Variants in MTA1 observed in about 807,000 individuals in gnomAD.
MTA1 encodes metastasis-associated protein MTA1.
MTA1 carries 15 observed loss-of-function variants against 97.0 expected under a neutral mutation model. The ratio of observed to expected loss-of-function variants is 0.15; its 90% CI spans 0.10 to 0.24. The LOEUF (loss-of-function observed/expected upper bound fraction) is 0.24, where lower values mean the gene tolerates loss of function less well. MTA1 is among the 10% of genes least tolerant of loss of function. The probability of loss-of-function intolerance (pLI) is 1.00; values close to 1 mark genes in which losing one functional copy is unlikely to be tolerated. For synonymous variants in MTA1, 435 were observed against 417.5 expected, an observed-to-expected ratio of 1.04 and a Z score of -0.51; for missense variants, 709 against 1,015.1, an observed-to-expected ratio of 0.70 and a Z score of 4.10.
intron 18 of MTA1, chr14:105,468,370 T>C: frequency 7.7e-7 from 1 of 1,303,904 alleles, no homozygotes; most frequent in Non-Finnish European, 1.0e-6. Flanking sequence ...TTTGTGCTAC[T>C]GGCCAGCCCT....
rs73362043 is a variant in MTA1 at position 105,467,216 on chromosome 14, C to T, written c.1813+474C>T. The stretch of plus-strand genomic sequence containing the variant: ...GAGGACTGGCTCAGGTGCTCTGTGC[C>T]GGTTGCTTGGAGCAGGGGCTGCGGG... On this transcript the variant is annotated intron_variant, in intron 18 of 20. Transcript: ENST00000331320. 3.5e-3 allele frequency: 1,251 copies of T among 359,892 alleles called. 14 individuals are homozygous for T. Among genetic ancestry groups the T allele is most frequent in the African/African-American group, 0.024 (1,132 of 46,802 alleles). The allele number at this position is 359,892 out of a possible 1,614,324, so 22.3% of individuals were successfully genotyped here. A position where few individuals can be genotyped will look rare whatever the true frequency, so the allele number is the denominator to read the frequency against.
Position 105,470,540 on chromosome 14 carries a change from C to T in MTA1, c.*325C>T. ...TTTTGTTGTGTTCTGTTGAAGGTGCCATTTTAAATTTTATTTTTATTACTT... is the reference window on the plus strand; with the variant it reads ...TTTTGTTGTGTTCTGTTGAAGGTGCTATTTTAAATTTTATTTTTATTACTT... On this transcript the variant is annotated 3_prime_UTR_variant, in exon 21 of 21. Transcript: ENST00000331320. 1 of 289,272 alleles carries T rather than the reference C, an allele frequency of 3.5e-6. No individual in the cohort carries two copies. Among genetic ancestry groups the T allele is most frequent in the South Asian group, 1.2e-4 (1 of 8,100 alleles). 17.9% of individuals were successfully genotyped at this position (289,272 alleles called of 1,614,324 possible).
intron 2 of MTA1, among the ~76,000 whole-genome samples, chr14:105,439,793 G>A (rs587639488): frequency 8.5e-5 from 13 of 152,240 alleles, no homozygotes; most frequent in Middle Eastern, 3.4e-3. Flanking sequence ...CTGCCCACTC[G>A]GCAGGCCTGG....
At chr14:105,455,090 G>A in intron 7 of MTA1, among the ~76,000 whole-genome samples, 1 of 151,978 alleles carries the variant, frequency 6.6e-6, no homozygotes, top group East Asian at 1.9e-4. Context: ...ATTTTTATTA[G>A]AGACAGGGTT....
Position 105,422,254 on chromosome 14 carries a change from AGGACC to A in MTA1, c.28+2192_28+2196del, listed in dbSNP as rs2081864870. On this transcript the variant is annotated intron_variant, in intron 1 of 20. Coordinates refer to ENST00000331320, the MANE Select transcript of MTA1 (RefSeq NM_004689.4). The surrounding 1 kb of genome is among the most constrained non-coding windows in gnomAD (Gnocchi z 4.3). ...CTGGACCGGAACCCTGGGTTCCGGCAGGACCCCGGCAGAGCCCTGTGGTCGCAGTG... is the reference window on the plus strand; with the variant it reads ...CTGGACCGGAACCCTGGGTTCCGGCACCGGCAGAGCCCTGTGGTCGCAGTG... 6.6e-6 allele frequency among the ~76,000 whole-genome samples: 1 copy of A among 152,054 alleles called. No individual in the cohort carries two copies. Among genetic ancestry groups the A allele is most frequent in the South Asian group, 2.1e-4 (1 of 4,816 alleles).
rs587709734 is a variant in MTA1 at position 105,469,592 on chromosome 14, C to T, written c.1845+94C>T. The T allele has an allele frequency of 4.2e-4, 612 of 1,452,204 alleles. 2 individuals are homozygous for T. The South Asian group carries it at 6.5e-3, about 16-fold the overall frequency. The allele number at this position is 1,452,204 out of a possible 1,614,324, so 90.0% of individuals were successfully genotyped here. A position where few individuals can be genotyped will look rare whatever the true frequency, so the allele number is the denominator to read the frequency against. ...GCCTGGCCAGCCCTGCCAGGTGCCACGTGGAAGCTTCCAGGAGGCCTGGCA... is the reference window on the plus strand; with the variant it reads ...GCCTGGCCAGCCCTGCCAGGTGCCATGTGGAAGCTTCCAGGAGGCCTGGCA... On this transcript the variant is annotated intron_variant, in intron 19 of 20. Coordinates refer to ENST00000331320, the MANE Select transcript of MTA1 (RefSeq NM_004689.4).
At chr14:105,467,026 C>T (rs957458477) in intron 18 of MTA1, 54 of 543,612 alleles carry the variant, frequency 9.9e-5, no homozygotes, top group South Asian at 9.2e-4. Context: ...TGTCTGCCAT[C>T]GCGCTGTGAC....
chr14:105,469,179 C>G (rs1189579757), intron 18 of MTA1: 1 of 624,412 alleles, frequency 1.6e-6, no homozygotes, highest in Non-Finnish European at 3.0e-6. Flanking sequence ...GTGGACAGCC[C>G]CGGCCCCTGT....
rs782060709 is a variant in MTA1 at position 105,470,164 on chromosome 14, GCCA to G, written c.2100_2102del (p.Pro703del). The G allele has an allele frequency of 1.8e-3, 2,944 of 1,609,642 alleles. 5 individuals carry two copies. Among genetic ancestry groups the G allele is most frequent in the Non-Finnish European group, 2.3e-3 (2,667 of 1,178,486 alleles). On this transcript the variant is annotated inframe_deletion, in exon 21 of 21. Transcript: ENST00000331320. ...GCCAGAGCCAGGCCCTGCCGCCGCG[GCCA>G]CCGCCACCTGCGCCCGTCAACGACG...
rs1278240483 is a variant in MTA1, at chr14:105,464,019, T to G, written c.1077-13T>G. The G allele has an allele frequency of 1.2e-6, 2 of 1,611,484 alleles. No homozygotes were observed. Among genetic ancestry groups the G allele is most frequent in the South Asian group, 1.1e-5 (1 of 90,990 alleles). ...TCCTGCAACTCCTCTCGTCTCTCCT[T>G]TCCCTCTTTAAGTAACAAGCCAAAT... On this transcript the variant is annotated splice_polypyrimidine_tract_variant and intron_variant, in intron 12 of 20. Coordinates refer to ENST00000331320, the MANE Select transcript of MTA1 (RefSeq NM_004689.4).
chr14:105,435,461 AT>A (rs1190742929), intron 1 of MTA1, among the ~76,000 whole-genome samples: 2 of 151,478 alleles, frequency 1.3e-5, no homozygotes, highest in African/African-American at 4.9e-5. Context: ...ATTAAAAATA[AT>A]TTTTTTTTAG....
intron 1 of MTA1, among the ~76,000 whole-genome samples, chr14:105,438,087 C>T (rs1555424836): frequency 6.6e-6 from 1 of 152,220 alleles, no homozygotes; most frequent in African/African-American, 2.4e-5. Flanking sequence ...CCTGTCATTC[C>T]TGGAGCAACT....
intron 1 of MTA1, among the ~76,000 whole-genome samples, chr14:105,436,406 C>G (rs1357503024): frequency 2.0e-5 from 3 of 152,240 alleles, no homozygotes; most frequent in Admixed American, 2.0e-4. Flanking sequence ...AATTTACATT[C>G]AGTACAATTC....
At chr14:105,466,321 T>G in intron 16 of MTA1, 105 bp from the exon 17 acceptor site, 1 of 1,066,058 alleles carries the variant, frequency 9.4e-7, no homozygotes, top group Non-Finnish European at 1.4e-6. Flanking sequence ...GCATGGGGCT[T>G]AGTTCCTGGG....
chr14:105,445,263 G>C (rs1555426798), intron 2 of MTA1, among the ~76,000 whole-genome samples, 155 bp from the exon 3 acceptor site: 2 of 152,220 alleles, frequency 1.3e-5, no homozygotes, highest in East Asian at 1.9e-4. Flanking sequence ...TGCAGGATTT[G>C]CTCCATTTGT....
intron 10 of MTA1, among the ~76,000 whole-genome samples, chr14:105,462,081 G>A (rs1292496910): frequency 6.6e-6 from 1 of 152,380 alleles, no homozygotes; most frequent in Non-Finnish European, 1.5e-5. Flanking sequence ...AGCGCTCAGG[G>A]GACTGCGGCT....
intron 10 of MTA1, among the ~76,000 whole-genome samples, chr14:105,461,992 G>A (rs1555431119): frequency 2.0e-5 from 3 of 152,266 alleles, no homozygotes; most frequent in Non-Finnish European, 4.4e-5. Flanking sequence ...GACCAGGGCG[G>A]AATTTGAGGG....
intron 2 of MTA1, among the ~76,000 whole-genome samples, chr14:105,441,765 G>C (rs1002598655): frequency 6.6e-6 from 1 of 152,194 alleles, no homozygotes; most frequent in East Asian, 1.9e-4. Flanking sequence ...CTACACTCCA[G>C]CCTGGGCGAC....
intron 2 of MTA1, among the ~76,000 whole-genome samples, chr14:105,441,268 G>GC (rs367613630): frequency 1.3e-5 from 2 of 151,260 alleles, no homozygotes; most frequent in Non-Finnish European, 3.0e-5. Context: ...GGGCCCCCCC[G>GC]CCCCTCTTGC....
Sources: allele counts gnomAD v4.1 joint callset (sites outside exome capture counted in the v4.1 genomes callset), GRCh38; gene constraint gnomAD v4.1.1; non-coding constraint Gnocchi (gnomAD v3.1); transcripts MANE v1.5; gene names NCBI Gene and HGNC (gene_info 2026-07-23, HGNC 2026-07-21).